FBN2: variants seen among roughly 807,000 people sequenced by gnomAD.
The protein encoded by FBN2 is fibrillin 2, also known as fibrillin-2.
In FBN2, 105 loss-of-function variants were observed where a neutral mutation model predicts 355.6. The ratio of observed to expected loss-of-function variants is 0.30; its 90% CI spans 0.25 to 0.35. FBN2 has a LOEUF of 0.35. FBN2 is among the 10% of genes least tolerant of loss of function. The pLI is 1.00. For synonymous variants in FBN2, 1,350 were observed against 1,301.2 expected (o/e 1.04, Z -0.81); for missense variants, 3,280 against 3,758.7 (o/e 0.87, Z 3.33).
chr5:128,405,384 A>G (rs3805646), intron 8 of FBN2, among the ~76,000 whole-genome samples: 77,236 of 151,912 alleles, frequency 0.51, 22,678 homozygotes, highest in East Asian at 0.81. Flanking sequence ...GAGATGACTC[A>G]GGAATACAGG....
chr5:128,361,757 C>T lies in FBN2; in HGVS notation c.2520G>A (p.Gly840=), dbSNP rs1460481863. The T allele has an allele frequency of 1.9e-6, 3 of 1,614,156 alleles. No individual in the cohort carries two copies. The highest frequency in any genetic ancestry group is 2.5e-6 in the Non-Finnish European group (3 of 1,180,000). The part of the protein sequence containing the change: ...PGSYSCTCPP[G]YVFRTETETC... ...TCTCTGTCTCAGTCCTGAACACATA[C>T]CCTGGTGGGCACGTACAGCTGTAAC... The change falls in exon 19 of 65, where the codon GGG becomes GGA. Residue 840 remains glycine, a synonymous_variant. Coordinates refer to ENST00000262464, the MANE Select transcript of FBN2 (RefSeq NM_001999.4).
intron 52 of FBN2, 23 bp from the exon 53 acceptor site, chr5:128,288,580 T>C (rs1255267787): frequency 6.2e-7 from 1 of 1,611,784 alleles, no homozygotes; most frequent in Admixed American, 1.7e-5. Flanking sequence ...AATAAGAAAC[T>C]GCCACAAAGA....
At chr5:128,475,765 C>A (rs1449491810) in intron 5 of FBN2, among the ~76,000 whole-genome samples, 1 of 152,012 alleles carries the variant, frequency 6.6e-6, no homozygotes, top group Non-Finnish European at 1.5e-5. Flanking sequence ...AACAGTCTAC[C>A]TACAAAGGAG....
intron 5 of FBN2, among the ~76,000 whole-genome samples, chr5:128,504,937 A>G (rs1230650229): frequency 6.6e-6 from 1 of 152,198 alleles, no homozygotes; most frequent in East Asian, 1.9e-4. Context: ...CAGCAGGGCT[A>G]GGTGAAGATA....
chr5:128,278,002 A>G lies in FBN2; in HGVS notation c.7349T>C (p.Ile2450Thr), dbSNP rs1765438236. 1.2e-6 allele frequency: 2 copies of G among 1,613,966 alleles called. No individual in the cohort carries two copies. Among genetic ancestry groups the G allele is most frequent in the African/African-American group, 1.3e-5 (1 of 74,922 alleles). ...GPGYTTDGRDIDECKVMPNLC... is the reference protein window; with the variant it reads ...GPGYTTDGRDTDECKVMPNLC... ...GTTTGGCATTACCTTACATTCATCAATATCTGTGGACCAAAACAACAAAAA... is the reference window on the plus strand; with the variant it reads ...GTTTGGCATTACCTTACATTCATCAGTATCTGTGGACCAAAACAACAAAAA... Residue 2450 changes from isoleucine (I) to threonine (T), a missense_variant, in exon 58 of 65, where the codon ATT (isoleucine) becomes ACT (threonine). This residue lies in a region of FBN2 where 2,284 missense variants were observed against 2,749.5 expected (regional missense o/e 0.83). Coordinates refer to ENST00000262464, the MANE Select transcript of FBN2 (RefSeq NM_001999.4).
chr5:128,294,553 C>T (rs1749440332), intron 48 of FBN2, among the ~76,000 whole-genome samples: 1 of 149,748 alleles, frequency 6.7e-6, no homozygotes, highest in African/African-American at 2.4e-5. Flanking sequence ...GATGGTATCT[C>T]ATTGTGGTTT....
intron 46 of FBN2, among the ~76,000 whole-genome samples, chr5:128,301,975 G>C (rs1749731585): frequency 6.6e-6 from 1 of 152,112 alleles, no homozygotes; most frequent in Admixed American, 6.6e-5. Context: ...CACTGGAATT[G>C]CTGATATCAA....
intron 6 of FBN2, among the ~76,000 whole-genome samples, chr5:128,457,844 A>C (rs968645298): frequency 8.2e-6 from 1 of 121,770 alleles, no homozygotes; most frequent in African/African-American, 3.3e-5. Flanking sequence ...AGACACTGCA[A>C]AAAAAAAAAA....
chr5:128,536,265 C>T, intron 2 of FBN2, 137 bp downstream of exon 2: 1 of 727,938 alleles, frequency 1.4e-6, no homozygotes, highest in Non-Finnish European at 2.5e-6. Context: ...TCAAATGGGG[C>T]CGCGTCCCGA....
At chr5:128,380,637 C>T (rs995208249) in intron 11 of FBN2, among the ~76,000 whole-genome samples, 3 of 152,146 alleles carry the variant, frequency 2.0e-5, no homozygotes, top group African/African-American at 7.2e-5. Context: ...AAAACAATCA[C>T]CAAAAAAGCA....
chr5:128,520,314 C>T (rs575853651), intron 4 of FBN2, among the ~76,000 whole-genome samples: 1 of 152,252 alleles, frequency 6.6e-6, no homozygotes, highest in Admixed American at 6.5e-5. Context: ...ATGAAGACAG[C>T]TGAATTCAAG....
rs1442403872 is a variant in FBN2, at chr5:128,346,580, T to C, written c.2990-996A>G. 2.0e-5 allele frequency among the ~76,000 whole-genome samples: 3 copies of C among 152,202 alleles called. No homozygotes were observed. The East Asian group carries it at 5.8e-4, about 29-fold the overall frequency. ...AAAGGTAATGAGTTACATTTCTGAG[T>C]ACTGGAATTAAAAAGTTCTATTTTT... On this transcript the variant is annotated intron_variant, in intron 23 of 64. Transcript: ENST00000262464.
At chr5:128,479,974 CTCTATATATATATATATATATATA>C (rs1479105237) in intron 5 of FBN2, among the ~76,000 whole-genome samples, 133 of 17,216 alleles carry the variant, frequency 7.7e-3, no homozygotes, top group African/African-American at 0.028. Context: ...CTCTCTCTCT[CTCTATATATATATATATATATATA>C]TATATATATA....
intron 8 of FBN2, among the ~76,000 whole-genome samples, chr5:128,400,770 A>C (rs1292674289): frequency 1.3e-5 from 2 of 152,222 alleles, no homozygotes; most frequent in Non-Finnish European, 2.9e-5. Flanking sequence ...CAAATACAGT[A>C]ACACATTTTA....
At chr5:128,324,342 T>C (rs748327151) in intron 34 of FBN2, among the ~76,000 whole-genome samples, 1 of 152,226 alleles carries the variant, frequency 6.6e-6, no homozygotes, top group African/African-American at 2.4e-5. Context: ...TGAATTTGTT[T>C]GTTCTTGCTT....
chr5:128,336,748 G>A (rs1750853267), intron 27 of FBN2, among the ~76,000 whole-genome samples: 1 of 152,150 alleles, frequency 6.6e-6, no homozygotes, highest in African/African-American at 2.4e-5. Flanking sequence ...ATATGGGCAG[G>A]TGCCTTAAAA....
intron 9 of FBN2, 65 bp downstream of exon 9, chr5:128,395,057 T>C: frequency 6.3e-7 from 1 of 1,586,756 alleles, no homozygotes. Flanking sequence ...GAGAGCAAAA[T>C]ACAGTACTGC....
chr5:128,507,515 C>T (rs6595833), intron 5 of FBN2, among the ~76,000 whole-genome samples: 75,486 of 151,770 alleles, frequency 0.5, 22,017 homozygotes, highest in African/African-American at 0.82. Context: ...TTTTGTTGTA[C>T]TGTTATTTTT....
chr5:128,466,277 A>G (rs1026915340), intron 5 of FBN2, among the ~76,000 whole-genome samples: 1 of 152,180 alleles, frequency 6.6e-6, no homozygotes, highest in Non-Finnish European at 1.5e-5. Context: ...CAGTTTATTA[A>G]TTCTTGGGAA....
Sources: allele counts gnomAD v4.1 joint callset (sites outside exome capture counted in the v4.1 genomes callset), GRCh38; gene constraint gnomAD v4.1.1; regional missense constraint gnomAD v4.1.1; transcripts MANE v1.5; gene names NCBI Gene and HGNC (gene_info 2026-07-23, HGNC 2026-07-21).